HDAC4: variants seen among roughly 807,000 people sequenced by gnomAD.
HDAC4 encodes the protein histone deacetylase A.
HDAC4 carries 16 observed loss-of-function variants against 135.1 expected under a neutral mutation model. The ratio of observed to expected loss-of-function variants is 0.12; its 90% CI spans 0.08 to 0.18. HDAC4 has a LOEUF of 0.18. HDAC4 is among the 10% of genes least tolerant of loss of function. HDAC4 has a pLI of 1.00. For missense variants in HDAC4, 1,143 were observed against 1,511.8 expected, an observed-to-expected ratio of 0.76 and a Z score of 4.05; for synonymous variants, 685 against 653.4, an observed-to-expected ratio of 1.05 and a Z score of -0.74.
intron 7 of HDAC4, among the ~76,000 whole-genome samples, chr2:239,153,977 G>A (rs866289133): frequency 1.3e-4 from 20 of 152,234 alleles, no homozygotes; most frequent in South Asian, 1.0e-3. Flanking sequence ...AAGTACTCAA[G>A]CTGGTTCTGT....
At chr2:239,398,496 A>G (rs1696715768) in intron 1 of HDAC4, among the ~76,000 whole-genome samples, 1 of 152,206 alleles carries the variant, frequency 6.6e-6, no homozygotes, top group South Asian at 2.1e-4. Flanking sequence ...GCAACCCCAC[A>G]ATGTGTGGAA....
chr2:239,114,414 G>C (rs1308536515), intron 13 of HDAC4, among the ~76,000 whole-genome samples: 1 of 152,226 alleles, frequency 6.6e-6, no homozygotes, highest in Non-Finnish European at 1.5e-5. Flanking sequence ...GGGCACTCTA[G>C]CTGCAGATAC....
At chr2:239,054,870 T>C in intron 24 of HDAC4, 37 bp from the exon 25 acceptor site, 1 of 1,375,912 alleles carries the variant, frequency 7.3e-7, no homozygotes, top group Non-Finnish European at 1.0e-6. Context: ...AGACTGCCAA[T>C]ATAATCCACA....
At position 239,308,923 on chromosome 2, in the gene HDAC4, ACAGTGCTCC is replaced by A. The variant is rs895280845; in HGVS notation, c.22+43746_22+43754del. On this transcript the variant is annotated intron_variant, in intron 2 of 26. Coordinates refer to ENST00000543185, the MANE Select transcript of HDAC4 (RefSeq NM_001378414.1). The surrounding 1 kb of genome is among the most constrained non-coding windows in gnomAD (Gnocchi z 4.2). The stretch of plus-strand genomic sequence containing the variant: ...CACGCTGCAGGCCCCTGGAGGTGCC[ACAGTGCTCC>A]CAGCTCCCCCAGAGGCTGAGTTCAA... 1.3e-5 allele frequency among the ~76,000 whole-genome samples: 2 copies of A among 152,168 alleles called. No homozygotes were observed. Among genetic ancestry groups the A allele is most frequent in the African/African-American group, 4.8e-5 (2 of 41,432 alleles).
intron 2 of HDAC4, among the ~76,000 whole-genome samples, chr2:239,250,734 A>T (rs1412851357): frequency 6.6e-6 from 1 of 152,180 alleles, no homozygotes; most frequent in Non-Finnish European, 1.5e-5. Context: ...GACAGAAAGG[A>T]CGGTTTTCAG....
chr2:239,220,900 T>C (rs2046911344), intron 3 of HDAC4, among the ~76,000 whole-genome samples: 1 of 152,006 alleles, frequency 6.6e-6, no homozygotes, highest in Admixed American at 6.6e-5. Flanking sequence ...TTCCGCCAGG[T>C]TTCCCCCACT....
Position 239,141,687 on chromosome 2 carries a change from CA to C in HDAC4, c.866-1892del, listed in dbSNP as rs1268242487. Among the ~76,000 whole-genome samples the C allele has an allele frequency of 6.6e-6, 1 of 152,202 alleles. No homozygotes were observed. Among genetic ancestry groups the C allele is most frequent in the African/African-American group, 2.4e-5 (1 of 41,456 alleles). ...TGATGTCAAGCTGTCTCCAGCTACACACCAAGATCCAGCAGATCTTCCCTGT... is the reference window on the plus strand; with the variant it reads ...TGATGTCAAGCTGTCTCCAGCTACACCCAAGATCCAGCAGATCTTCCCTGT... On this transcript the variant is annotated intron_variant, in intron 8 of 26. Coordinates refer to ENST00000543185, the MANE Select transcript of HDAC4 (RefSeq NM_001378414.1). This position sits in a 1 kb window ranked among gnomAD's most constrained non-coding sequence, Gnocchi z 4.9.
chr2:239,358,738 C>CTT (rs1342722749), intron 1 of HDAC4, among the ~76,000 whole-genome samples: 2 of 152,218 alleles, frequency 1.3e-5, no homozygotes, highest in Non-Finnish European at 2.9e-5. Flanking sequence ...AAATATCTTT[C>CTT]TAACAGTGGG....
chr2:239,254,416 C>CT (rs2048946443), intron 2 of HDAC4, among the ~76,000 whole-genome samples: 1 of 139,524 alleles, frequency 7.2e-6, no homozygotes, highest in Admixed American at 7.1e-5. Flanking sequence ...ACAAGCTGCG[C>CT]TAAAAAAAAA....
At chr2:239,275,280 G>A (rs1204917777) in intron 2 of HDAC4, among the ~76,000 whole-genome samples, 3 of 152,246 alleles carry the variant, frequency 2.0e-5, no homozygotes, top group African/African-American at 7.2e-5. Context: ...CCAGGCTGCC[G>A]GCAAAGCGCT....
At chr2:239,173,072 T>C (rs1298219216) in intron 5 of HDAC4, among the ~76,000 whole-genome samples, 1 of 152,180 alleles carries the variant, frequency 6.6e-6, no homozygotes, top group Non-Finnish European at 1.5e-5. Flanking sequence ...TTTCACAAGA[T>C]ATTTATGGAA....
chr2:239,360,603 G>A (rs1232060684), intron 1 of HDAC4, among the ~76,000 whole-genome samples: 2 of 152,188 alleles, frequency 1.3e-5, no homozygotes, highest in Non-Finnish European at 2.9e-5. Context: ...CCCGGACTCT[G>A]GCTTGGAAAA....
intron 2 of HDAC4, among the ~76,000 whole-genome samples, chr2:239,301,629 T>C (rs2052278188): frequency 6.6e-6 from 1 of 152,046 alleles, no homozygotes; most frequent in Admixed American, 6.5e-5. Flanking sequence ...TACAGACGCA[T>C]ACCACCATGC....
At chr2:239,386,492 G>A (rs1033069643) in intron 1 of HDAC4, among the ~76,000 whole-genome samples, 1 of 152,170 alleles carries the variant, frequency 6.6e-6, no homozygotes, top group African/African-American at 2.4e-5. Flanking sequence ...CGGGGTGGCC[G>A]GCCAGGGGAG....
chr2:239,125,291 T>G (rs2040101186), intron 12 of HDAC4, among the ~76,000 whole-genome samples: 1 of 152,156 alleles, frequency 6.6e-6, no homozygotes, highest in Non-Finnish European at 1.5e-5. Context: ...GTCTGGTCGG[T>G]TAGAAGTGTG....
intron 5 of HDAC4, among the ~76,000 whole-genome samples, chr2:239,168,021 G>T (rs1253492629): frequency 1.3e-5 from 2 of 152,232 alleles, no homozygotes; most frequent in Non-Finnish European, 2.9e-5. Flanking sequence ...CTCCCGGAGG[G>T]CCGTGGCCTG....
intron 1 of HDAC4, among the ~76,000 whole-genome samples, chr2:239,385,662 C>T (rs1204433813): frequency 6.6e-6 from 1 of 152,238 alleles, no homozygotes; most frequent in Non-Finnish European, 1.5e-5. Flanking sequence ...CCTGATTCTA[C>T]AGACGCCACC....
At chr2:239,176,341 G>A in intron 5 of HDAC4, 72 bp downstream of exon 5, 1 of 191,750 alleles carries the variant, frequency 5.2e-6, no homozygotes, top group Admixed American at 8.9e-5. Flanking sequence ...CCTCTGCCCA[G>A]CCTTCCGTGC....
intron 2 of HDAC4, among the ~76,000 whole-genome samples, chr2:239,271,588 C>A (rs938536210): frequency 1.3e-5 from 2 of 152,230 alleles, no homozygotes; most frequent in African/African-American, 2.4e-5. Context: ...GCTCTCCATC[C>A]CCCGATGTGG....
Sources: gnomAD v4.1 joint callset for allele counts (sites outside exome capture counted in the v4.1 genomes callset) on GRCh38, gnomAD v4.1.1 for gene constraint, Gnocchi (gnomAD v3.1) non-coding constraint, MANE v1.5 for transcripts, NCBI Gene and HGNC (gene_info 2026-07-23, HGNC 2026-07-21) for gene names.